Variants in GPR176 observed in about 807,000 individuals in gnomAD.
The protein encoded by GPR176 is G-protein coupled receptor 176.
In GPR176, 26 loss-of-function variants were observed where a neutral mutation model predicts 35.4. That is an observed-to-expected ratio of 0.74 (90% CI 0.54 to 1.02). The LOEUF (loss-of-function observed/expected upper bound fraction) is 1.02. GPR176 is among the 50% of genes least tolerant of loss of function. GPR176 has a pLI of 0.00. For missense variants in GPR176, 597 were observed against 665.3 expected (o/e 0.90, Z 1.13); for synonymous variants, 278 against 271.3 (o/e 1.02, Z -0.24).
chr15:39,818,911 A>G (rs1674926833), intron 1 of GPR176, among the ~76,000 whole-genome samples: 1 of 152,238 alleles, frequency 6.6e-6, no homozygotes, highest in African/African-American at 2.4e-5. Context: ...ACGGCTTCAC[A>G]AGATGCTTTC....
intron 1 of GPR176, among the ~76,000 whole-genome samples, chr15:39,848,358 A>T (rs1480653063): frequency 6.6e-6 from 1 of 152,212 alleles, no homozygotes; most frequent in Non-Finnish European, 1.5e-5. Flanking sequence ...ATAAATCCAC[A>T]GTTATAGTTG....
intron 1 of GPR176, among the ~76,000 whole-genome samples, chr15:39,886,740 A>G (rs2032689325): frequency 6.6e-6 from 1 of 152,218 alleles, no homozygotes; most frequent in Non-Finnish European, 1.5e-5. Context: ...GCTGAAAATG[A>G]AATGCCTGTA....
intron 1 of GPR176, among the ~76,000 whole-genome samples, chr15:39,835,179 G>A (rs547558126): frequency 1.3e-5 from 2 of 151,916 alleles, no homozygotes; most frequent in South Asian, 4.2e-4. Flanking sequence ...CACCATGCCC[G>A]GTTAATTTTT....
At chr15:39,803,017 C>T (rs1057417602) in intron 2 of GPR176, among the ~76,000 whole-genome samples, 2 of 152,142 alleles carry the variant, frequency 1.3e-5, no homozygotes, top group Admixed American at 6.5e-5. Context: ...TCTGTAAGCA[C>T]CTAAACAGAA....
intron 1 of GPR176, chr15:39,862,502 T>C (rs1219955365): frequency 1.3e-5 from 2 of 152,338 alleles, no homozygotes; most frequent in East Asian, 3.9e-4. Context: ...GGTCACACAC[T>C]TGCAACAATT....
chr15:39,831,641 G>T (rs967236417), intron 1 of GPR176, among the ~76,000 whole-genome samples: 1 of 152,130 alleles, frequency 6.6e-6, no homozygotes, highest in Middle Eastern at 3.4e-3. Context: ...AAATACTGTA[G>T]ATTTGATTAT....
At chr15:39,907,439 A>G (rs2033455245) in intron 1 of GPR176, among the ~76,000 whole-genome samples, 1 of 152,216 alleles carries the variant, frequency 6.6e-6, no homozygotes, top group Admixed American at 6.5e-5. Flanking sequence ...CCCCCAAAGG[A>G]GAGTTCTGTT....
intron 1 of GPR176, among the ~76,000 whole-genome samples, chr15:39,850,117 G>C (rs2030750912): frequency 6.6e-6 from 1 of 152,118 alleles, no homozygotes; most frequent in Non-Finnish European, 1.5e-5. Flanking sequence ...AGTTTCTCTG[G>C]GTGAGTCAGT....
At chr15:39,854,807 T>A (rs2140814558) in intron 1 of GPR176, among the ~76,000 whole-genome samples, 1 of 152,104 alleles carries the variant, frequency 6.6e-6, no homozygotes, top group South Asian at 2.1e-4. Flanking sequence ...GAGCCTGCGG[T>A]GGGAGGATCA....
chr15:39,824,981 G>A (rs539171934), intron 1 of GPR176, among the ~76,000 whole-genome samples: 1 of 152,256 alleles, frequency 6.6e-6, no homozygotes, highest in African/African-American at 2.4e-5. Flanking sequence ...AAAGTGGGAG[G>A]ACTACTTGAG....
At chr15:39,843,061 TG>T (rs1555405823) in intron 1 of GPR176, among the ~76,000 whole-genome samples, 1 of 142,308 alleles carries the variant, frequency 7.0e-6, no homozygotes, top group Non-Finnish European at 1.5e-5. Context: ...AAAAAAGTGG[TG>T]GGGGGAGCTT....
chr15:39,815,384 T>C (rs928060434), intron 1 of GPR176: 1 of 152,292 alleles, frequency 6.6e-6, no homozygotes, highest in Non-Finnish European at 1.5e-5. Flanking sequence ...GATTGTCTCA[T>C]GTGGTCAGAA....
In GPR176 at chr15:39,800,225, A is replaced by T. The variant is rs1032604018; in HGVS notation, c.*907T>A. On this transcript the variant is annotated 3_prime_UTR_variant, in exon 3 of 3. Coordinates refer to ENST00000561100, the MANE Select transcript of GPR176 (RefSeq NM_007223.3). ...TAAGATGATTTTTTCAATATATTTG[A>T]CTCATACTGGTTGTTACATAGCACC... The T allele has an allele frequency of 1.3e-5, 2 of 152,092 alleles. No individual in the cohort carries two copies. The highest frequency in any genetic ancestry group is 4.2e-4 in the South Asian group (2 of 4,810). The allele number at this position is 152,092 out of a possible 1,614,324, so 9.4% of individuals were successfully genotyped here. A position where few individuals can be genotyped will look rare whatever the true frequency, so the allele number is the denominator to read the frequency against.
rs1363288695 is a variant in GPR176, at chr15:39,800,005, C to G, written c.*1127G>C. The G allele has an allele frequency of 1.3e-5, 2 of 152,232 alleles. No individual in the cohort carries two copies. Among genetic ancestry groups the G allele is most frequent in the South Asian group, 4.1e-4 (2 of 4,834 alleles). 9.4% of individuals were successfully genotyped at this position (152,232 alleles called of 1,614,324 possible). ...TAAGAGAGAACCGCAGCTGTACAAA[C>G]AGACTGAAAAGGAGACTGGCCACAC... On this transcript the variant is annotated 3_prime_UTR_variant, in exon 3 of 3. Coordinates refer to ENST00000561100, the MANE Select transcript of GPR176 (RefSeq NM_007223.3).
chr15:39,918,483 C>A (rs1161840732), intron 1 of GPR176, among the ~76,000 whole-genome samples: 1 of 152,044 alleles, frequency 6.6e-6, no homozygotes, highest in Non-Finnish European at 1.5e-5. Context: ...GGAAAACCTG[C>A]AGAAATAAAA....
intron 1 of GPR176, among the ~76,000 whole-genome samples, chr15:39,905,922 C>T (rs558009290): frequency 1.3e-5 from 2 of 152,302 alleles, no homozygotes; most frequent in East Asian, 3.9e-4. Flanking sequence ...ACCTTACACA[C>T]AAACTACACA....
At chr15:39,878,095 C>CCT (rs1555408564) in intron 1 of GPR176, among the ~76,000 whole-genome samples, 15 of 40,928 alleles carry the variant, frequency 3.7e-4, no homozygotes, top group African/African-American at 1.1e-3. Context: ...CCCATAGTTA[C>CCT]CTGTGTGTGT....
At chr15:39,829,518 T>G (rs1033559806) in intron 1 of GPR176, among the ~76,000 whole-genome samples, 3 of 152,156 alleles carry the variant, frequency 2.0e-5, no homozygotes, top group African/African-American at 7.2e-5. Context: ...CTTAACAGAC[T>G]ATGGTTTAAA....
intron 1 of GPR176, among the ~76,000 whole-genome samples, chr15:39,897,599 A>ATTTTTTTTTTTTTTTTTTTTTT (rs386382791): frequency 2.3e-5 from 2 of 88,524 alleles, no homozygotes; most frequent in Non-Finnish European, 2.1e-5. Context: ...ACATCCAAAT[A>ATTTTTTTTTTTTTTTTTTTTTT]TTTTTTTTTT....
Sources: allele counts gnomAD v4.1 joint callset (sites outside exome capture counted in the v4.1 genomes callset), GRCh38; gene constraint gnomAD v4.1.1; transcripts MANE v1.5; gene names NCBI Gene and HGNC (gene_info 2026-07-23, HGNC 2026-07-21).